Variants in CDC42 observed in about 807,000 individuals in gnomAD.
CDC42 encodes cell division cycle 42.
Under a neutral mutation model 20.8 loss-of-function variants are expected in CDC42, and 1 was observed. That is an observed-to-expected ratio of 0.05 (90% CI 0.02 to 0.23). The LOEUF (loss-of-function observed/expected upper bound fraction) is 0.23, where lower values mean the gene tolerates loss of function less well. CDC42 is among the 10% of genes least tolerant of loss of function. The pLI is 1.00. For missense variants in CDC42, 49 were observed against 227.9 expected (o/e 0.21, Z 5.05); for synonymous variants, 72 against 84.8 (o/e 0.85, Z 0.83).
rs949818647 is a variant in CDC42, at chr1:22,099,017, G to T, written c.*7500G>T. On this transcript the variant is annotated 3_prime_UTR_variant, in exon 6 of 6. Coordinates refer to ENST00000656825, the MANE Select transcript of CDC42 (RefSeq NM_001791.4). ...GATCCTCCCACCTCGGCCTCCCAAC[G>T]TGCTGGGATTACAGGCATTAGCCAC... Among the ~76,000 whole-genome samples the T allele has an allele frequency of 2.0e-5, 3 of 152,174 alleles. No homozygotes were observed. Among genetic ancestry groups the T allele is most frequent in the Non-Finnish European group, 2.9e-5 (2 of 68,036 alleles).
rs1320455619 is a variant in CDC42, at chr1:22,099,713, TA to T, written c.*8199del. Among the ~76,000 whole-genome samples the T allele has an allele frequency of 7.9e-5, 12 of 152,150 alleles. No homozygotes were observed. Among genetic ancestry groups the T allele is most frequent in the Non-Finnish European group, 1.6e-4 (11 of 68,028 alleles). On this transcript the variant is annotated 3_prime_UTR_variant, in exon 6 of 6. Coordinates refer to ENST00000656825, the MANE Select transcript of CDC42 (RefSeq NM_001791.4). ...TGACACCTTCTTCCTTTAGAGGATC[TA>T]AAGGTGTAGCTTTAGAGGATTGTAG...
chr1:22,096,395 TGATAG>T lies in CDC42; in HGVS notation c.*4879_*4883del, dbSNP rs1645758669. On this transcript the variant is annotated 3_prime_UTR_variant, in exon 6 of 6. Transcript: ENST00000656825. ...TGGAATTTTCTTTCCCTTACAGTTT[TGATAG>T]CTGCTTTCTCTTGAATAACTATGTC... 6.6e-6 allele frequency among the ~76,000 whole-genome samples: 1 copy of T among 152,232 alleles called. No individual in the cohort carries two copies. The highest frequency in any genetic ancestry group is 1.5e-5 in the Non-Finnish European group (1 of 68,028).
In CDC42 at chr1:22,092,507, C is replaced by G. The variant is rs1349226506; in HGVS notation, c.*990C>G. The stretch of plus-strand genomic sequence containing the variant: ...GAAGACCTGTTATGTAGAGGAAATA[C>G]GAGGGGTGGTGCTAGAAGACAGACA... On this transcript the variant is annotated 3_prime_UTR_variant, in exon 6 of 6. Transcript: ENST00000656825. The G allele has an allele frequency of 6.8e-6, 1 of 147,172 alleles. No individual in the cohort carries two copies. The highest frequency in any genetic ancestry group is 2.5e-5 in the African/African-American group (1 of 39,708). 9.1% of individuals were successfully genotyped at this position (147,172 alleles called of 1,614,324 possible).
At chr1:22,075,454 G>C (rs1645537743) in intron 1 of CDC42, among the ~76,000 whole-genome samples, 4 of 152,150 alleles carry the variant, frequency 2.6e-5, no homozygotes, top group Admixed American at 2.6e-4. Flanking sequence ...AAATTACATA[G>C]TACAGTTATC....
chr1:22,072,975 T>G (rs1645508227), intron 1 of CDC42, among the ~76,000 whole-genome samples: 1 of 152,152 alleles, frequency 6.6e-6, no homozygotes, highest in Non-Finnish European at 1.5e-5. Context: ...ATATTTAATC[T>G]CAAATCTTAA....
At chr1:22,087,779 A>AT (rs1645675642) in intron 5 of CDC42, among the ~76,000 whole-genome samples, 1 of 152,174 alleles carries the variant, frequency 6.6e-6, no homozygotes, top group Admixed American at 6.5e-5. Context: ...TAATTCATTC[A>AT]TTTTTATTGT....
rs554612439 is a variant in CDC42, at chr1:22,099,338, A to G, written c.*7821A>G. On this transcript the variant is annotated 3_prime_UTR_variant, in exon 6 of 6. Transcript: ENST00000656825. ...TTACTGTGTGCCTTTGCACTGTGTT[A>G]AGCACATGGTGTTATCACACTTGCT... is the stretch of plus-strand genomic sequence containing the variant. 1.2e-4 allele frequency among the ~76,000 whole-genome samples: 19 copies of G among 152,330 alleles called. No homozygotes were observed. The highest frequency in any genetic ancestry group is 4.1e-4 in the African/African-American group (17 of 41,576).
intron 1 of CDC42, among the ~76,000 whole-genome samples, chr1:22,061,963 G>A (rs1246811664): frequency 6.6e-6 from 1 of 151,520 alleles, no homozygotes; most frequent in Non-Finnish European, 1.5e-5. Flanking sequence ...TTGGAGAACG[G>A]ATTCTTACTC....
At chr1:22,061,620 T>G (rs1019134961) in intron 1 of CDC42, among the ~76,000 whole-genome samples, 7 of 129,788 alleles carry the variant, frequency 5.4e-5, no homozygotes, top group Admixed American at 1.9e-4. Flanking sequence ...CTTGGCTCAC[T>G]GCCACCTCTG....
chr1:22,090,098 A>C, intron 5 of CDC42: 1 of 1,575,720 alleles, frequency 6.3e-7, no homozygotes, highest in Non-Finnish European at 8.6e-7. Flanking sequence ...ATCGTTTAAA[A>C]ACAAAGGAAT....
At chr1:22,083,305 A>G (rs865981526) in intron 3 of CDC42, among the ~76,000 whole-genome samples, 2 of 152,048 alleles carry the variant, frequency 1.3e-5, no homozygotes, top group South Asian at 2.1e-4. Context: ...GCGTAGTGCA[A>G]TAAAAATCAT....
intron 1 of CDC42, among the ~76,000 whole-genome samples, chr1:22,061,391 A>G (rs565174218): frequency 2.9e-5 from 4 of 140,264 alleles, no homozygotes; most frequent in Non-Finnish European, 4.6e-5. Flanking sequence ...CTGAGTAACA[A>G]GAGCAAAACT....
intron 5 of CDC42, 123 bp from the exon 6 acceptor site, chr1:22,091,305 C>A: frequency 1.6e-6 from 1 of 629,450 alleles, no homozygotes. Context: ...TGTTGAGATT[C>A]AGGGTTGTTT....
At chr1:22,063,783 C>G (rs1266362128) in intron 1 of CDC42, among the ~76,000 whole-genome samples, 1 of 152,036 alleles carries the variant, frequency 6.6e-6, no homozygotes, top group African/African-American at 2.4e-5. Context: ...TGCAGTGATG[C>G]CATCATGGCT....
intron 1 of CDC42, among the ~76,000 whole-genome samples, chr1:22,076,603 G>A (rs1645553716): frequency 6.6e-6 from 1 of 152,152 alleles, no homozygotes; most frequent in African/African-American, 2.4e-5. Flanking sequence ...AGGCTTTTTG[G>A]GAGGATGAAA....
In CDC42 at chr1:22,095,772, G is replaced by C. The variant is rs1042173296; in HGVS notation, c.*4255G>C. Among the ~76,000 whole-genome samples the C allele has an allele frequency of 1.3e-5, 2 of 152,026 alleles. No homozygotes were observed. The highest frequency in any genetic ancestry group is 4.8e-5 in the African/African-American group (2 of 41,392). The stretch of plus-strand genomic sequence containing the variant: ...TTCAGATTGGGCTCAGGTGGGCTTT[G>C]TGTTTGTCATTCTGGAGCCTAGTTC... On this transcript the variant is annotated 3_prime_UTR_variant, in exon 6 of 6. Transcript: ENST00000656825.
intron 5 of CDC42, among the ~76,000 whole-genome samples, chr1:22,089,050 G>A (rs1441832299): frequency 3.3e-5 from 5 of 152,148 alleles, no homozygotes; most frequent in African/African-American, 7.2e-5. Flanking sequence ...TTGGAGCTGT[G>A]TTCTGGGACT....
intron 1 of CDC42, among the ~76,000 whole-genome samples, chr1:22,054,944 T>A (rs1176144040): frequency 2.1e-3 from 82 of 39,612 alleles, no homozygotes; most frequent in Non-Finnish European, 2.5e-3. Context: ...TTTTTTTTTT[T>A]TTTTTTTTTT....
At chr1:22,055,490 ATTTT>A (rs35959719) in intron 1 of CDC42, among the ~76,000 whole-genome samples, 1 of 137,494 alleles carries the variant, frequency 7.3e-6, no homozygotes, top group Non-Finnish European at 1.6e-5. Flanking sequence ...AAAATTGGTG[ATTTT>A]TTTTTTTTTT....
Sources: allele counts gnomAD v4.1 joint callset (sites outside exome capture counted in the v4.1 genomes callset), GRCh38; gene constraint gnomAD v4.1.1; transcripts MANE v1.5; gene names NCBI Gene and HGNC (gene_info 2026-07-23, HGNC 2026-07-21).